NALF1: variants seen among roughly 807,000 people sequenced by gnomAD.
The protein encoded by NALF1 is NALCN channel auxiliary factor 1, also known as family with sequence similarity 155 member A.
A neutral mutation model predicts 48.4 loss-of-function variants in NALF1; 3 were observed. That is an observed-to-expected ratio of 0.06 (90% confidence interval 0.03 to 0.16). The LOEUF is 0.16. Among genes scored for constraint, NALF1 ranks in the 10% least tolerant of loss-of-function variants. NALF1 has a pLI of 1.00. For synonymous variants in NALF1, 262 were observed against 245.7 expected, an observed-to-expected ratio of 1.07 and a Z score of -0.62; for missense variants, 526 against 571.5, an observed-to-expected ratio of 0.92 and a Z score of 0.81.
intron 1 of NALF1, among the ~76,000 whole-genome samples, chr13:107,659,106 G>GACACAGACAC (rs1880660282): frequency 2.0e-5 from 2 of 98,494 alleles, no homozygotes; most frequent in Non-Finnish European, 4.1e-5. Context: ...CTGACACACT[G>GACACAGACAC]ACACACAGAC....
chr13:107,858,524 T>C (rs943183839), intron 1 of NALF1, among the ~76,000 whole-genome samples: 1 of 152,128 alleles, frequency 6.6e-6, no homozygotes, highest in African/African-American at 2.4e-5. Flanking sequence ...CCATCTCTAT[T>C]ACAAATCCAA....
chr13:107,565,129 C>CATATAAAAAAAA (rs1877765843), intron 1 of NALF1, among the ~76,000 whole-genome samples: 2 of 102,594 alleles, frequency 1.9e-5, no homozygotes, highest in Admixed American at 1.9e-4. Flanking sequence ...ACATAAACAA[C>CATATAAAAAAAA]CATTATAAAA....
chr13:107,433,589 T>C (rs1566340488), intron 1 of NALF1, among the ~76,000 whole-genome samples: 2 of 150,714 alleles, frequency 1.3e-5, no homozygotes, highest in African/African-American at 2.4e-5. Context: ...AATAAAATAA[T>C]AAAAAAAGAA....
chr13:107,504,933 T>TGGGAGATC (rs1190041974), intron 1 of NALF1, among the ~76,000 whole-genome samples: 1 of 152,232 alleles, frequency 6.6e-6, no homozygotes, highest in Non-Finnish European at 1.5e-5. Context: ...GTTTCAGGTC[T>TGGGAGATC]GGGAGATCCA....
chr13:107,688,425 A>G (rs904698098), intron 1 of NALF1, among the ~76,000 whole-genome samples: 1 of 152,234 alleles, frequency 6.6e-6, no homozygotes, highest in African/African-American at 2.4e-5. Flanking sequence ...AAATTATATG[A>G]CATTTCTGTT....
intron 1 of NALF1, among the ~76,000 whole-genome samples, chr13:107,699,401 A>G (rs764726442): frequency 6.6e-6 from 1 of 152,148 alleles, no homozygotes; most frequent in Non-Finnish European, 1.5e-5. Context: ...GTGTTCCATG[A>G]TATAAAACTC....
chr13:107,513,901 T>C (rs1875974540), intron 1 of NALF1, among the ~76,000 whole-genome samples: 1 of 152,158 alleles, frequency 6.6e-6, no homozygotes, highest in Non-Finnish European at 1.5e-5. Flanking sequence ...AAGGTATCCA[T>C]CCCTCCTCCT....
intron 1 of NALF1, among the ~76,000 whole-genome samples, chr13:107,215,347 C>G (rs1879850281): frequency 6.6e-6 from 1 of 152,172 alleles, no homozygotes; most frequent in Admixed American, 6.5e-5. Context: ...TACCTCCAGA[C>G]CTACGTCCAC....
chr13:107,224,277 G>A (rs1880055703), intron 1 of NALF1, among the ~76,000 whole-genome samples: 2 of 151,540 alleles, frequency 1.3e-5, no homozygotes, highest in South Asian at 4.2e-4. Context: ...AATTAATAAA[G>A]CACATATATC....
At chr13:107,247,556 C>G (rs1372899422) in intron 1 of NALF1, among the ~76,000 whole-genome samples, 1 of 152,112 alleles carries the variant, frequency 6.6e-6, no homozygotes, top group Non-Finnish European at 1.5e-5. Context: ...TGAGCTTTCT[C>G]AAATAGGAGG....
intron 1 of NALF1, among the ~76,000 whole-genome samples, chr13:107,452,780 CCT>C: frequency 6.6e-6 from 1 of 152,236 alleles, no homozygotes; most frequent in African/African-American, 2.4e-5. Context: ...AAGCCTTCTG[CCT>C]ATGAGCCTGT....
At chr13:107,785,235 CT>C (rs1461941739) in intron 1 of NALF1, among the ~76,000 whole-genome samples, 2 of 151,944 alleles carry the variant, frequency 1.3e-5, no homozygotes, top group Non-Finnish European at 2.9e-5. Context: ...ACTTTCAGAG[CT>C]GAGCTCCCAG....
At chr13:107,267,982 A>AT (rs71121513) in intron 1 of NALF1, among the ~76,000 whole-genome samples, 6 of 95,902 alleles carry the variant, frequency 6.3e-5, no homozygotes, top group East Asian at 2.7e-4. Context: ...TTTTTCTGGA[A>AT]TTTTTTTTTT....
At chr13:107,710,673 G>A (rs1334006535) in intron 1 of NALF1, among the ~76,000 whole-genome samples, 3 of 149,842 alleles carry the variant, frequency 2.0e-5, no homozygotes, top group Non-Finnish European at 4.4e-5. Context: ...GAAACCACCT[G>A]CAGAATCCAA....
At chr13:107,512,190 C>T (rs1252342086) in intron 1 of NALF1, among the ~76,000 whole-genome samples, 1 of 152,124 alleles carries the variant, frequency 6.6e-6, no homozygotes, top group South Asian at 2.1e-4. Context: ...GTCAGGAGAT[C>T]GAGACCATCC....
chr13:107,711,533 G>A (rs1370784445), intron 1 of NALF1, among the ~76,000 whole-genome samples: 4 of 152,030 alleles, frequency 2.6e-5, no homozygotes, highest in East Asian at 3.9e-4. Flanking sequence ...ACAGGGTTTC[G>A]CCATGTTGGC....
chr13:107,864,748 G>A (rs936134219), intron 1 of NALF1, among the ~76,000 whole-genome samples: 3 of 152,126 alleles, frequency 2.0e-5, no homozygotes, highest in East Asian at 1.9e-4. Flanking sequence ...GGACAGAGAC[G>A]CTTCTATTAA....
intron 1 of NALF1, among the ~76,000 whole-genome samples, chr13:107,639,264 C>A (rs1206322473): frequency 6.6e-6 from 1 of 152,156 alleles, no homozygotes; most frequent in Admixed American, 6.5e-5. Flanking sequence ...ATATGGCCTG[C>A]AAGCTGCAGC....
intron 1 of NALF1, among the ~76,000 whole-genome samples, chr13:107,712,145 C>A (rs1400180844): frequency 2.0e-5 from 3 of 151,994 alleles, no homozygotes; most frequent in Non-Finnish European, 4.4e-5. Context: ...AATACACACA[C>A]ACATTATAAA....
Sources: allele counts gnomAD v4.1 joint callset (sites outside exome capture counted in the v4.1 genomes callset), GRCh38; gene constraint gnomAD v4.1.1; transcripts MANE v1.5; gene names NCBI Gene and HGNC (gene_info 2026-07-23, HGNC 2026-07-21).